Variants in BAALC observed in about 807,000 individuals in gnomAD.
BAALC encodes BAALC binder of MAP3K1 and KLF4.
In BAALC, 9 loss-of-function variants were observed where a neutral mutation model predicts 15.5. The ratio of observed to expected loss-of-function variants is 0.58; its 90% confidence interval spans 0.35 to 1.02. The LOEUF (loss-of-function observed/expected upper bound fraction) is 1.02, where lower values mean the gene tolerates loss of function less well. BAALC is among the 50% of genes least tolerant of loss of function. BAALC has a pLI of 0.02. For synonymous variants in BAALC, 80 were observed against 74.6 expected, an observed-to-expected ratio of 1.07 and a Z score of -0.37; for missense variants, 201 against 192.4, an observed-to-expected ratio of 1.04 and a Z score of -0.27.
At chr8:103,156,623 GTTC>G (rs2129886900) in intron 1 of BAALC, among the ~76,000 whole-genome samples, 2 of 152,288 alleles carry the variant, frequency 1.3e-5, no homozygotes, top group South Asian at 4.1e-4. Flanking sequence ...ACGGTGGAAT[GTTC>G]TTCTAACAGG....
intron 1 of BAALC, among the ~76,000 whole-genome samples, chr8:103,180,266 G>C (rs969249173): frequency 2.0e-5 from 3 of 152,064 alleles, no homozygotes; most frequent in East Asian, 3.9e-4. Context: ...GCAGTGTTGA[G>C]AGCATGGTGG....
At chr8:103,214,077 A>G (rs1812508871) in intron 2 of BAALC, among the ~76,000 whole-genome samples, 1 of 152,172 alleles carries the variant, frequency 6.6e-6, no homozygotes, top group African/African-American at 2.4e-5. Flanking sequence ...AAAGTGAGAT[A>G]ATCAGTGGTC....
At chr8:103,163,463 C>T (rs1811274324) in intron 1 of BAALC, among the ~76,000 whole-genome samples, 1 of 152,168 alleles carries the variant, frequency 6.6e-6, no homozygotes, top group Admixed American at 6.5e-5. Flanking sequence ...AACCTCTTGT[C>T]CCTCACACCT....
chr8:103,221,545 A>G (rs1158597731), intron 2 of BAALC, among the ~76,000 whole-genome samples: 1 of 152,158 alleles, frequency 6.6e-6, no homozygotes, highest in East Asian at 1.9e-4. Flanking sequence ...GGTGATGTTA[A>G]AAAAGGTTTG....
At chr8:103,177,945 A>G (rs79739252) in intron 1 of BAALC, among the ~76,000 whole-genome samples, 1,671 of 152,332 alleles carry the variant, frequency 0.011, 37 homozygotes, top group African/African-American at 0.038. Flanking sequence ...ACTAAATCAC[A>G]TAGAAGTTAG....
rs1812862670 is a variant in BAALC, at chr8:103,228,896, A to G, written c.*797A>G. On this transcript the variant is annotated 3_prime_UTR_variant, in exon 3 of 3. Coordinates refer to ENST00000309982, the MANE Select transcript of BAALC (RefSeq NM_024812.3). ...ACATTGCAATTTTGCATAGCTTTCC[A>G]GTTCCCTTTGCTTGTCTTCTTGACT... The G allele has an allele frequency of 6.6e-6, 1 of 152,282 alleles. No individual in the cohort carries two copies. The highest frequency in any genetic ancestry group is 6.5e-5 in the Admixed American group (1 of 15,288). The allele number at this position is 152,282 out of a possible 1,614,324, so 9.4% of individuals were successfully genotyped here.
chr8:103,162,012 G>A (rs1223196851), intron 1 of BAALC, among the ~76,000 whole-genome samples: 2 of 152,066 alleles, frequency 1.3e-5, no homozygotes, highest in Non-Finnish European at 2.9e-5. Flanking sequence ...CCAGGCTGAA[G>A]CACAGTGATA....
At chr8:103,217,859 C>T (rs767954902) in intron 2 of BAALC, among the ~76,000 whole-genome samples, 3 of 152,194 alleles carry the variant, frequency 2.0e-5, no homozygotes, top group African/African-American at 7.2e-5. Context: ...AGGTGCCAGG[C>T]ACTGTTCCAG....
At chr8:103,148,108 G>A (rs902874585) in intron 1 of BAALC, among the ~76,000 whole-genome samples, 3 of 152,174 alleles carry the variant, frequency 2.0e-5, no homozygotes, top group Non-Finnish European at 2.9e-5. Context: ...TATTTGGAAA[G>A]AGAATCTTTA....
chr8:103,218,539 T>G (rs1013262068), intron 2 of BAALC, among the ~76,000 whole-genome samples: 3 of 152,118 alleles, frequency 2.0e-5, no homozygotes, highest in African/African-American at 7.2e-5. Flanking sequence ...TGCCATTTCC[T>G]TAGGCTTAGG....
chr8:103,211,900 T>A (rs184072012), intron 1 of BAALC, among the ~76,000 whole-genome samples: 1 of 152,340 alleles, frequency 6.6e-6, no homozygotes, highest in African/African-American at 2.4e-5. Context: ...GCTACCTTGC[T>A]GCTTCTTGCC....
At chr8:103,200,815 A>G in intron 1 of BAALC, 2 of 632,368 alleles carry the variant, frequency 3.2e-6, no homozygotes, top group Non-Finnish European at 3.0e-6. Context: ...AATATCGTTC[A>G]TGAAGACAGA....
At chr8:103,154,518 C>T (rs57787067) in intron 1 of BAALC, 62,257 of 152,856 alleles carry the variant, frequency 0.41, 12,819 homozygotes, top group East Asian at 0.44. Context: ...GTTATTCTTC[C>T]ACTCAAAGCC....
At chr8:103,219,868 A>G (rs1346205693) in intron 2 of BAALC, among the ~76,000 whole-genome samples, 1 of 152,222 alleles carries the variant, frequency 6.6e-6, no homozygotes, top group African/African-American at 2.4e-5. Context: ...CAGCTGCCAA[A>G]GCTCTCGTCT....
intron 1 of BAALC, among the ~76,000 whole-genome samples, chr8:103,175,088 A>C (rs1250283863): frequency 6.6e-6 from 1 of 151,986 alleles, no homozygotes; most frequent in Non-Finnish European, 1.5e-5. Context: ...GCAGTTACTC[A>C]CCTCTCTGCC....
Position 103,140,849 on chromosome 8 carries a change from C to G in BAALC, c.-49C>G. The G allele has an allele frequency of 7.0e-7, 1 of 1,423,902 alleles. No homozygotes were observed. The highest frequency in any genetic ancestry group is 9.2e-7 in the Non-Finnish European group (1 of 1,088,506). 88.2% of individuals were successfully genotyped at this position (1,423,902 alleles called of 1,614,324 possible). ...CTGCGCCTCCGGGGCTGAGCCGCCG[C>G]CAGAGCCGACAGCCGAGCAGCCGCT... On this transcript the variant is annotated 5_prime_UTR_variant, in exon 1 of 3. Coordinates refer to ENST00000309982, the MANE Select transcript of BAALC (RefSeq NM_024812.3). This position sits in a 1 kb window ranked among gnomAD's most constrained non-coding sequence, Gnocchi z 4.2.
chr8:103,176,634 G>T lies in BAALC; in HGVS notation c.160+35577G>T, dbSNP rs145875933. On this transcript the variant is annotated intron_variant, in intron 1 of 2. Transcript: ENST00000309982. ...CATTGTACCATGCGCCAGGGGAATTGTCTCTGTGACCCGCCTTTTGGAAAC... is the reference window on the plus strand; with the variant it reads ...CATTGTACCATGCGCCAGGGGAATTTTCTCTGTGACCCGCCTTTTGGAAAC... Among the ~76,000 whole-genome samples the T allele has an allele frequency of 4.6e-5, 7 of 152,226 alleles. No homozygotes were observed. In the East Asian group the frequency reaches 1.4e-3, roughly 29 times the overall value.
At chr8:103,226,030 G>A (rs886941933) in intron 2 of BAALC, among the ~76,000 whole-genome samples, 1 of 152,152 alleles carries the variant, frequency 6.6e-6, no homozygotes, top group Non-Finnish European at 1.5e-5. Flanking sequence ...TGTGTTCAGG[G>A]GCCATGTTGT....
chr8:103,176,573 C>T (rs78231227), intron 1 of BAALC, among the ~76,000 whole-genome samples: 2,567 of 152,208 alleles, frequency 0.017, 60 homozygotes, highest in African/African-American at 0.056. Context: ...GCAATCCTAG[C>T]GCCCACACTA....
Sources: gnomAD v4.1 joint callset for allele counts (sites outside exome capture counted in the v4.1 genomes callset) on GRCh38, gnomAD v4.1.1 for gene constraint, Gnocchi (gnomAD v3.1) non-coding constraint, MANE v1.5 for transcripts, NCBI Gene and HGNC (gene_info 2026-07-23, HGNC 2026-07-21) for gene names.